The following PDZRN4 variants were observed in gnomAD, a reference collection of about 807,000 sequenced individuals.
The protein encoded by PDZRN4 is PDZ domain-containing RING finger protein 4.
A neutral mutation model predicts 99.0 loss-of-function variants in PDZRN4; 70 were observed. That is an observed-to-expected ratio of 0.71 (90% confidence interval 0.58 to 0.86). The LOEUF (loss-of-function observed/expected upper bound fraction) is 0.86, where lower values mean the gene tolerates loss of function less well. Among genes scored for constraint, PDZRN4 ranks in the 40% least tolerant of loss-of-function variants. The probability of loss-of-function intolerance (pLI) is 0.00; values close to 1 mark genes in which losing one functional copy is unlikely to be tolerated. For synonymous variants in PDZRN4, 551 were observed against 501.6 expected (o/e 1.10, Z -1.32); for missense variants, 1,474 against 1,331.2 (o/e 1.11, Z -1.67).
intron 3 of PDZRN4, among the ~76,000 whole-genome samples, chr12:41,466,030 A>C (rs1952921619): frequency 6.6e-6 from 1 of 152,192 alleles, no homozygotes; most frequent in Admixed American, 6.5e-5. Context: ...TGCTTTAATT[A>C]CAGAACATTT....
At chr12:41,395,955 T>A (rs1024043127) in intron 3 of PDZRN4, among the ~76,000 whole-genome samples, 4 of 152,178 alleles carry the variant, frequency 2.6e-5, no homozygotes, top group Non-Finnish European at 4.4e-5. Context: ...GGCATTTTTT[T>A]AATTTTTTCA....
chr12:41,437,722 T>A, intron 3 of PDZRN4: 2 of 1,437,180 alleles, frequency 1.4e-6, no homozygotes, highest in Non-Finnish European at 1.8e-6. Context: ...AAACTCTGTG[T>A]GTGTATCCGT....
chr12:41,190,585 G>A (rs966442371), intron 1 of PDZRN4, among the ~76,000 whole-genome samples: 8 of 152,188 alleles, frequency 5.3e-5, no homozygotes, highest in Admixed American at 2.6e-4. Flanking sequence ...CCTCAGAAGT[G>A]TTTTTCTACT....
intron 3 of PDZRN4, among the ~76,000 whole-genome samples, chr12:41,215,239 G>T (rs955858473): frequency 6.6e-6 from 1 of 152,010 alleles, no homozygotes; most frequent in Non-Finnish European, 1.5e-5. Context: ...AATGGAAATT[G>T]TTTACTGGGC....
intron 3 of PDZRN4, among the ~76,000 whole-genome samples, chr12:41,310,461 A>G (rs1951599369): frequency 6.6e-6 from 1 of 151,938 alleles, no homozygotes; most frequent in South Asian, 2.1e-4. Flanking sequence ...AAAGAGCTCT[A>G]TTCAGTTGCT....
At chr12:41,568,844 G>T (rs887528174) in intron 9 of PDZRN4, among the ~76,000 whole-genome samples, 1 of 150,114 alleles carries the variant, frequency 6.7e-6, no homozygotes, top group Admixed American at 6.7e-5. Flanking sequence ...TTGCTCTGTC[G>T]CTCAGGCTGG....
At chr12:41,330,941 A>G (rs1448009710) in intron 3 of PDZRN4, among the ~76,000 whole-genome samples, 2 of 152,120 alleles carry the variant, frequency 1.3e-5, no homozygotes, top group Non-Finnish European at 2.9e-5. Context: ...CCAGCTTTAA[A>G]TTATAACATT....
At chr12:41,264,133 C>T (rs375796971) in intron 3 of PDZRN4, among the ~76,000 whole-genome samples, 3 of 152,218 alleles carry the variant, frequency 2.0e-5, no homozygotes, top group African/African-American at 7.2e-5. Flanking sequence ...CATATAATTA[C>T]TTAAGGCTGT....
chr12:41,262,578 T>C (rs1321196437), intron 3 of PDZRN4, among the ~76,000 whole-genome samples: 1 of 152,204 alleles, frequency 6.6e-6, no homozygotes, highest in African/African-American at 2.4e-5. Flanking sequence ...GATACAAAGA[T>C]ACAACTTCCA....
intron 3 of PDZRN4, among the ~76,000 whole-genome samples, chr12:41,316,288 G>A (rs4768340): frequency 0.66 from 100,476 of 151,848 alleles, 33,500 homozygotes; most frequent in Middle Eastern, 0.74. Flanking sequence ...GAAAGCGTAT[G>A]TTAAAATCAA....
chr12:41,359,551 T>C (rs940159143), intron 3 of PDZRN4, among the ~76,000 whole-genome samples: 2 of 151,986 alleles, frequency 1.3e-5, no homozygotes, highest in Admixed American at 6.6e-5. Context: ...AATGGAATCA[T>C]GGGGCGGGGG....
At chr12:41,346,348 GC>G (rs111955565) in intron 3 of PDZRN4, among the ~76,000 whole-genome samples, 2,031 of 152,220 alleles carry the variant, frequency 0.013, 47 homozygotes, top group African/African-American at 0.046. Flanking sequence ...TGTAGTCTCA[GC>G]TATTCGGGAG....
At chr12:41,399,848 T>G (rs1251200979) in intron 3 of PDZRN4, among the ~76,000 whole-genome samples, 29 of 152,064 alleles carry the variant, frequency 1.9e-4, no homozygotes, top group Admixed American at 1.8e-3. Context: ...GGGTTTTTCG[T>G]TTTTAGGGTA....
chr12:41,254,207 T>C (rs1207830417), intron 3 of PDZRN4, among the ~76,000 whole-genome samples: 1 of 152,174 alleles, frequency 6.6e-6, no homozygotes, highest in African/African-American at 2.4e-5. Flanking sequence ...CAGCATTTTC[T>C]TTTATACTGT....
At chr12:41,498,366 T>C (rs1938048946) in intron 3 of PDZRN4, among the ~76,000 whole-genome samples, 1 of 152,136 alleles carries the variant, frequency 6.6e-6, no homozygotes, top group Non-Finnish European at 1.5e-5. Flanking sequence ...GAATACCACA[T>C]ACTGGGCAAT....
chr12:41,502,134 C>G lies in PDZRN4; in HGVS notation c.844-4322C>G, dbSNP rs551020627. Among the ~76,000 whole-genome samples the G allele has an allele frequency of 2.0e-5, 3 of 152,154 alleles. No homozygotes were observed. The South Asian group carries it at 6.2e-4, about 32-fold the overall frequency. On this transcript the variant is annotated intron_variant, in intron 3 of 9. Transcript: ENST00000402685. ...ATAATGTGTCTGCTTTTTCATTTAT[C>G]TCAAGTCCAGTGGCTAAATTATCAT... is the stretch of plus-strand genomic sequence containing the variant.
rs776783548 is a variant in PDZRN4 at position 41,506,610 on chromosome 12, G to A, written c.998G>A (p.Ser333Asn). The change falls in exon 4 of 10, where the codon AGC (serine) becomes AAC (asparagine). Residue 333 changes from serine (S) to asparagine (N), a missense_variant. Transcript: ENST00000402685. ...MASEVQLMNA[S>N]TQTDITFEHI... ...TCAGAAGTGCAGCTTATGAATGCCA[G>A]CACTCAGACGGACATCACCTTCGAA... 1 of 1,613,940 alleles carries A rather than the reference G, an allele frequency of 6.2e-7. No homozygotes were observed. The highest frequency in any genetic ancestry group is 1.7e-5 in the Admixed American group (1 of 59,992).
intron 3 of PDZRN4, among the ~76,000 whole-genome samples, chr12:41,373,743 G>C (rs1347214157): frequency 6.6e-6 from 1 of 152,156 alleles, no homozygotes; most frequent in African/African-American, 2.4e-5. Flanking sequence ...ACGGGATTAA[G>C]AGACTAAAGT....
At chr12:41,395,662 T>G (rs1334861249) in intron 3 of PDZRN4, among the ~76,000 whole-genome samples, 1 of 152,200 alleles carries the variant, frequency 6.6e-6, no homozygotes, top group Non-Finnish European at 1.5e-5. Flanking sequence ...CCACTCCATT[T>G]TACAAAAGTC....
Sources: allele counts gnomAD v4.1 joint callset (sites outside exome capture counted in the v4.1 genomes callset), GRCh38; gene constraint gnomAD v4.1.1; transcripts MANE v1.5; gene names NCBI Gene and HGNC (gene_info 2026-07-23, HGNC 2026-07-21).